The following PHLPP1 variants were observed in gnomAD, a reference collection of about 807,000 sequenced individuals.
PHLPP1 encodes PH domain and leucine rich repeat protein phosphatase 1.
In PHLPP1, 42 loss-of-function variants were observed where a neutral mutation model predicts 117.2. The observed-to-expected ratio is 0.36, with a 90% confidence interval of 0.28 to 0.46. PHLPP1 has a LOEUF of 0.46. PHLPP1 is among the 20% of genes least tolerant of loss of function. The pLI, the probability that PHLPP1 is intolerant of heterozygous loss-of-function variation, is 1.00. For synonymous variants in PHLPP1, 1,042 were observed against 970.7 expected (o/e 1.07, Z -1.37); for missense variants, 2,084 against 2,241.9 (o/e 0.93, Z 1.42).
In PHLPP1 at chr18:62,972,523, C is replaced by T. The variant is rs745815854; in HGVS notation, c.3570C>T (p.Val1190=). Residue 1190 remains valine, a synonymous_variant, in exon 15 of 17, where the codon GTC becomes GTT. Coordinates refer to ENST00000262719, the MANE Select transcript of PHLPP1 (RefSeq NM_194449.4). ...EASGVKNKLC[V]AALSVNNFCD... ...TGTGGTTGCCTTGCAGGTTGTGTGT[C>T]GCAGCCCTGTCGGTGAATAACTTCT... 26 of 1,611,962 alleles carry T rather than the reference C, an allele frequency of 1.6e-5. No homozygotes were observed. The highest frequency in any genetic ancestry group is 1.6e-5 in the Non-Finnish European group (19 of 1,179,624).
chr18:62,927,778 A>T (rs1477025011), intron 10 of PHLPP1, among the ~76,000 whole-genome samples: 2 of 147,424 alleles, frequency 1.4e-5, no homozygotes, highest in Non-Finnish European at 3.0e-5. Context: ...GAACAAAGAC[A>T]AAAAAAAAAT....
intron 8 of PHLPP1, among the ~76,000 whole-genome samples, chr18:62,905,638 T>C (rs981358371): frequency 6.6e-6 from 1 of 152,316 alleles, no homozygotes; most frequent in Non-Finnish European, 1.5e-5. Context: ...TTCAAAATTT[T>C]TTTTCAAACT....
At chr18:62,936,676 C>CG (rs1909978778) in intron 10 of PHLPP1, among the ~76,000 whole-genome samples, 1 of 152,162 alleles carries the variant, frequency 6.6e-6, no homozygotes, top group Non-Finnish European at 1.5e-5. Flanking sequence ...TTGCCAAAAA[C>CG]GCATGACCTT....
intron 1 of PHLPP1, among the ~76,000 whole-genome samples, chr18:62,747,523 C>G (rs1911714966): frequency 6.6e-6 from 1 of 151,826 alleles, no homozygotes; most frequent in Non-Finnish European, 1.5e-5. Context: ...CTCCCCTCCC[C>G]TTCCTTCGCT....
At chr18:62,819,888 A>AT (rs1324150748) in intron 1 of PHLPP1, among the ~76,000 whole-genome samples, 2 of 152,190 alleles carry the variant, frequency 1.3e-5, no homozygotes, top group Non-Finnish European at 2.9e-5. Context: ...ACCTCAGGTG[A>AT]TCCACCCACC....
chr18:62,924,800 C>T (rs1057438262), intron 10 of PHLPP1, among the ~76,000 whole-genome samples: 1 of 149,522 alleles, frequency 6.7e-6, no homozygotes, highest in East Asian at 2.0e-4. Context: ...ATCACGCCAC[C>T]TACACTCCAG....
At chr18:62,825,104 G>A (rs979969432) in intron 1 of PHLPP1, among the ~76,000 whole-genome samples, 1 of 151,876 alleles carries the variant, frequency 6.6e-6, no homozygotes, top group African/African-American at 2.4e-5. Context: ...GACTATGGGC[G>A]CCTGCCACCA....
At chr18:62,810,013 C>T (rs919504306) in intron 1 of PHLPP1, among the ~76,000 whole-genome samples, 7 of 152,158 alleles carry the variant, frequency 4.6e-5, no homozygotes, top group African/African-American at 1.2e-4. Context: ...GGTCCATCTT[C>T]GTGGTTTTTA....
intron 1 of PHLPP1, among the ~76,000 whole-genome samples, chr18:62,783,350 C>T (rs1171773227): frequency 2.0e-5 from 3 of 151,634 alleles, no homozygotes; most frequent in Non-Finnish European, 4.4e-5. Flanking sequence ...GCCTCAGCCT[C>T]CTGAGTAGCT....
chr18:62,717,275 G>A lies in PHLPP1; in HGVS notation c.1576+16G>A, dbSNP rs1162170406. ...TTCTATGCAGGTAAGGAAGTCACCT[G>A]CCTTGACGGGTGGTTGCAAAAGCTG... On this transcript the variant is annotated intron_variant, in intron 1 of 16. Transcript: ENST00000262719. 2 of 1,542,426 alleles carry A rather than the reference G, an allele frequency of 1.3e-6. No individual in the cohort carries two copies. The highest frequency in any genetic ancestry group is 1.8e-6 in the Non-Finnish European group (2 of 1,142,582).
intron 10 of PHLPP1, among the ~76,000 whole-genome samples, chr18:62,937,572 A>T (rs1254091519): frequency 6.6e-6 from 1 of 152,204 alleles, no homozygotes; most frequent in African/African-American, 2.4e-5. Context: ...TGGACTTGAG[A>T]CTGATGAAAT....
At position 62,838,875 on chromosome 18, in the gene PHLPP1, CAGAATACTTA is replaced by C; in HGVS notation, c.1868_1877del (p.Glu623GlyfsTer42). The C allele has an allele frequency of 6.2e-7, 1 of 1,613,886 alleles. No individual in the cohort carries two copies. The highest frequency in any genetic ancestry group is 8.5e-7 in the Non-Finnish European group (1 of 1,179,816). On this transcript the variant is annotated frameshift_variant, in exon 3 of 17. Coordinates refer to ENST00000262719, the MANE Select transcript of PHLPP1 (RefSeq NM_194449.4). LOFTEE classifies it high-confidence loss of function. Reference sequence around the variant, plus strand: ...TACTACATTTGCTTTGATACTTTCACAGAATACTTAAGGTGGCTGCGACAAGTCTCCAAGG... The same window carrying C: ...TACTACATTTGCTTTGATACTTTCACAGGTGGCTGCGACAAGTCTCCAAGG...
intron 1 of PHLPP1, among the ~76,000 whole-genome samples, chr18:62,799,582 A>G (rs1913718498): frequency 6.6e-6 from 1 of 152,232 alleles, no homozygotes. Flanking sequence ...AATAGAAAGA[A>G]TGATAGTTGC....
chr18:62,793,254 A>G (rs903107631), intron 1 of PHLPP1, among the ~76,000 whole-genome samples: 1 of 152,236 alleles, frequency 6.6e-6, no homozygotes, highest in Non-Finnish European at 1.5e-5. Flanking sequence ...GTCATGATCA[A>G]CAAGTCACCT....
At position 62,717,005 on chromosome 18, in the gene PHLPP1, C is replaced by G; in HGVS notation, c.1322C>G (p.Ala441Gly). Residue 441 changes from alanine (A) to glycine (G), a missense_variant, in exon 1 of 17, where the codon GCA becomes GGA. Coordinates refer to ENST00000262719, the MANE Select transcript of PHLPP1 (RefSeq NM_194449.4). ...GGGTCGTGCGAGGAGAAGGCAGCGG[C>G]AGCCGTGGCCCCGGGAGGCCTCCAG... ...REGSCEEKAA[A>G]AVAPGGLQST... is the part of the protein sequence containing the mutation. The G allele has an allele frequency of 6.5e-7, 1 of 1,543,638 alleles. No homozygotes were observed. Among genetic ancestry groups the G allele is most frequent in the South Asian group, 1.2e-5 (1 of 83,864 alleles).
At chr18:62,774,899 TTTATCAACC>T in intron 1 of PHLPP1, among the ~76,000 whole-genome samples, 1 of 152,164 alleles carries the variant, frequency 6.6e-6, no homozygotes, top group East Asian at 1.9e-4. Context: ...CTCATTCCTA[TTTATCAACC>T]TCCTTTTCTC....
intron 1 of PHLPP1, among the ~76,000 whole-genome samples, chr18:62,725,072 G>C (rs935365223): frequency 6.6e-6 from 1 of 152,152 alleles, no homozygotes; most frequent in Non-Finnish European, 1.5e-5. Context: ...AAATATGTGT[G>C]TGTTGGCTGT....
At chr18:62,821,216 G>T (rs998204953) in intron 1 of PHLPP1, among the ~76,000 whole-genome samples, 2 of 152,178 alleles carry the variant, frequency 1.3e-5, no homozygotes, top group African/African-American at 4.8e-5. Flanking sequence ...GAGCACTTGA[G>T]TGCAAGAGTC....
chr18:62,971,912 T>G (rs569516136), intron 14 of PHLPP1, among the ~76,000 whole-genome samples: 3 of 152,180 alleles, frequency 2.0e-5, no homozygotes, highest in Admixed American at 1.3e-4. Context: ...GGCATACTCC[T>G]GTAGTCCTAG....
Sources: allele counts gnomAD v4.1 joint callset (sites outside exome capture counted in the v4.1 genomes callset), GRCh38; gene constraint gnomAD v4.1.1; transcripts MANE v1.5; gene names NCBI Gene and HGNC (gene_info 2026-07-23, HGNC 2026-07-21).